Variants in MLIP observed in about 807,000 individuals in gnomAD.
MLIP encodes muscular LMNA-interacting protein.
In MLIP, 79 loss-of-function variants were observed where a neutral mutation model predicts 84.8. The ratio of observed to expected loss-of-function variants is 0.93; its 90% CI spans 0.78 to 1.12. MLIP has a LOEUF of 1.12. Ranked by LOEUF, MLIP falls within the 50% of genes most tolerant of loss-of-function variation. The pLI, the probability that MLIP is intolerant of heterozygous loss-of-function variation, is 0.00. For missense variants in MLIP, 1,257 were observed against 1,160.6 expected (o/e 1.08, Z -1.21); for synonymous variants, 504 against 463.0 (o/e 1.09, Z -1.14).
chr6:54,114,466 G>C (rs1488587324), intron 1 of MLIP, among the ~76,000 whole-genome samples: 1 of 152,074 alleles, frequency 6.6e-6, no homozygotes, highest in Non-Finnish European at 1.5e-5. Flanking sequence ...TACCCATCTT[G>C]ATTTTTGTGT....
intron 1 of MLIP, among the ~76,000 whole-genome samples, chr6:54,033,872 T>C (rs1764279134): frequency 6.6e-6 from 1 of 152,206 alleles, no homozygotes; most frequent in Non-Finnish European, 1.5e-5. Flanking sequence ...TGGAATGGAA[T>C]AAAATCTTAC....
chr6:54,094,028 G>T (rs1027379391), intron 1 of MLIP, among the ~76,000 whole-genome samples: 2 of 152,108 alleles, frequency 1.3e-5, no homozygotes, highest in African/African-American at 4.8e-5. Context: ...AGTGGTAATG[G>T]TGATTAAGAG....
chr6:54,056,544 G>A (rs1765671826), intron 1 of MLIP, among the ~76,000 whole-genome samples: 1 of 152,178 alleles, frequency 6.6e-6, no homozygotes, highest in African/African-American at 2.4e-5. Flanking sequence ...AGGAGTGAGA[G>A]ACCTCTTCTA....
At chr6:54,081,497 T>C (rs1767148424) in intron 1 of MLIP, among the ~76,000 whole-genome samples, 1 of 152,134 alleles carries the variant, frequency 6.6e-6, no homozygotes, top group Admixed American at 6.6e-5. Context: ...AACCTCCGCC[T>C]CCCAGGTTCA....
chr6:54,074,400 C>A (rs1163661789), intron 1 of MLIP, among the ~76,000 whole-genome samples: 1 of 150,274 alleles, frequency 6.7e-6, no homozygotes, highest in Non-Finnish European at 1.5e-5. Context: ...ATAAAATTAA[C>A]GCGATGATTT....
At chr6:54,218,582 C>A (rs138763080) in intron 11 of MLIP, among the ~76,000 whole-genome samples, 1 of 152,016 alleles carries the variant, frequency 6.6e-6, no homozygotes, top group South Asian at 2.1e-4. Context: ...GGCAGTGGTG[C>A]GATCTCGGCT....
At chr6:54,101,369 G>T (rs922835165) in intron 1 of MLIP, among the ~76,000 whole-genome samples, 3 of 151,946 alleles carry the variant, frequency 2.0e-5, no homozygotes, top group Non-Finnish European at 4.4e-5. Context: ...AATATTTATT[G>T]GGTACCTACT....
chr6:54,133,477 G>C (rs1214113793), intron 3 of MLIP, among the ~76,000 whole-genome samples: 1 of 152,176 alleles, frequency 6.6e-6, no homozygotes, highest in Non-Finnish European at 1.5e-5. Flanking sequence ...AGATTCAGGA[G>C]GAAGAGCACA....
intron 1 of MLIP, among the ~76,000 whole-genome samples, chr6:54,094,633 T>C (rs1221047878): frequency 1.3e-5 from 2 of 151,946 alleles, no homozygotes; most frequent in Non-Finnish European, 2.9e-5. Flanking sequence ...AAGAAAGACA[T>C]TCTTGTTTTG....
At chr6:54,171,286 T>A (rs1775745615) in intron 9 of MLIP, among the ~76,000 whole-genome samples, 1 of 151,664 alleles carries the variant, frequency 6.6e-6, no homozygotes, top group Non-Finnish European at 1.5e-5. Flanking sequence ...AAGCTAAGAA[T>A]GAACCATCAA....
In MLIP at chr6:54,137,743, T is replaced by C; in HGVS notation, c.1674T>C (p.Ser558=). The change falls in exon 4 of 14, where the codon TCT becomes TCC. Residue 558 remains serine (S), a synonymous_variant. Coordinates refer to ENST00000502396, the MANE Select transcript of MLIP (RefSeq NM_001281747.2). ...TTCCTCCTGTTCCACCAAGCTCTTC[T>C]CTTTCCTCTTTGAAGAGTAAACAGG... ...VGLPPVPPSS[S]LSSLKSKQDG... is the part of the protein sequence containing the mutation. The C allele has an allele frequency of 6.5e-7, 1 of 1,536,074 alleles. No homozygotes were observed. The highest frequency in any genetic ancestry group is 2.0e-5 in the Admixed American group (1 of 50,996).
At chr6:54,264,228 G>A (rs1783559300) in intron 13 of MLIP, among the ~76,000 whole-genome samples, 1 of 151,960 alleles carries the variant, frequency 6.6e-6, no homozygotes, top group Non-Finnish European at 1.5e-5. Context: ...ATTTCAGAGG[G>A]AACTTAGAAG....
intron 12 of MLIP, among the ~76,000 whole-genome samples, chr6:54,232,990 T>A (rs1300403448): frequency 6.6e-6 from 1 of 152,178 alleles, no homozygotes; most frequent in African/African-American, 2.4e-5. Flanking sequence ...AAACTCCTCA[T>A]GTCCTAAATC....
intron 1 of MLIP, among the ~76,000 whole-genome samples, chr6:54,088,472 A>G (rs1475876050): frequency 2.0e-5 from 3 of 152,160 alleles, no homozygotes; most frequent in African/African-American, 7.2e-5. Context: ...ACCTTAGAAG[A>G]TAAATGTCCC....
At chr6:54,201,532 A>G (rs1778677835) in intron 10 of MLIP, among the ~76,000 whole-genome samples, 2 of 152,168 alleles carry the variant, frequency 1.3e-5, no homozygotes, top group African/African-American at 4.8e-5. Context: ...AGTCTCCCAC[A>G]GTTACTGCAC....
chr6:54,252,833 CA>C (rs1225975047), intron 12 of MLIP, among the ~76,000 whole-genome samples: 2 of 151,918 alleles, frequency 1.3e-5, no homozygotes, highest in African/African-American at 4.8e-5. Context: ...CTTTTTAAAG[CA>C]AAAGAAATAT....
chr6:54,232,564 G>T (rs1385485007), intron 12 of MLIP, among the ~76,000 whole-genome samples: 1 of 152,124 alleles, frequency 6.6e-6, no homozygotes, highest in East Asian at 1.9e-4. Context: ...TTAATGGAAT[G>T]TTCACTTGCT....
At chr6:54,201,192 C>T (rs1057148379) in intron 10 of MLIP, among the ~76,000 whole-genome samples, 19 of 152,230 alleles carry the variant, frequency 1.2e-4, no homozygotes, top group East Asian at 1.2e-3. Context: ...TTTGTCAAAT[C>T]GACACTGGGT....
intron 1 of MLIP, among the ~76,000 whole-genome samples, chr6:54,080,103 A>G (rs1010645627): frequency 6.6e-6 from 1 of 152,020 alleles, no homozygotes; most frequent in African/African-American, 2.4e-5. Flanking sequence ...TAATTTACCA[A>G]ACCTAATACT....
Sources: allele counts gnomAD v4.1 joint callset (sites outside exome capture counted in the v4.1 genomes callset), GRCh38; gene constraint gnomAD v4.1.1; transcripts MANE v1.5; gene names NCBI Gene and HGNC (gene_info 2026-07-23, HGNC 2026-07-21).